Variants in WDFY2 observed in about 807,000 individuals in gnomAD.
The protein encoded by WDFY2 is WD repeat and FYVE domain containing 2.
WDFY2 carries 36 observed loss-of-function variants against 56.4 expected under a neutral mutation model. That is an observed-to-expected ratio of 0.64 (90% CI 0.49 to 0.84). The LOEUF (loss-of-function observed/expected upper bound fraction) is 0.84, where lower values mean the gene tolerates loss of function less well. Among genes scored for constraint, WDFY2 ranks in the 40% least tolerant of loss-of-function variants. The pLI is 0.00. For missense variants in WDFY2, 444 were observed against 512.2 expected, an observed-to-expected ratio of 0.87 and a Z score of 1.29; for synonymous variants, 176 against 183.7, an observed-to-expected ratio of 0.96 and a Z score of 0.34.
intron 1 of WDFY2, among the ~76,000 whole-genome samples, chr13:51,613,065 G>C (rs1194282006): frequency 6.6e-6 from 1 of 152,096 alleles, no homozygotes; most frequent in Admixed American, 6.5e-5. Flanking sequence ...ATGTGCGGTG[G>C]TGCATGCCTG....
chr13:51,668,140 A>G (rs1277962479), intron 2 of WDFY2, among the ~76,000 whole-genome samples: 1 of 152,028 alleles, frequency 6.6e-6, no homozygotes, highest in Non-Finnish European at 1.5e-5. Flanking sequence ...CGGCCTCCCA[A>G]AGTGCTGGGA....
At chr13:51,726,423 A>G (rs1339088784) in intron 5 of WDFY2, among the ~76,000 whole-genome samples, 1 of 152,222 alleles carries the variant, frequency 6.6e-6, no homozygotes, top group Non-Finnish European at 1.5e-5. Flanking sequence ...GGCATGTGTC[A>G]TTCTGTATTT....
At chr13:51,627,072 C>T (rs1466665982) in intron 1 of WDFY2, among the ~76,000 whole-genome samples, 2 of 152,252 alleles carry the variant, frequency 1.3e-5, no homozygotes, top group Non-Finnish European at 1.5e-5. Context: ...GGCTCCATGC[C>T]AGCCTGTGGC....
At chr13:51,608,292 G>A (rs1169838615) in intron 1 of WDFY2, among the ~76,000 whole-genome samples, 2 of 152,202 alleles carry the variant, frequency 1.3e-5, no homozygotes, top group African/African-American at 2.4e-5. Flanking sequence ...GAATCAAATG[G>A]TAGAAAGTAA....
chr13:51,644,197 T>TA (rs1272045071), intron 1 of WDFY2, among the ~76,000 whole-genome samples: 5 of 152,124 alleles, frequency 3.3e-5, no homozygotes, highest in African/African-American at 9.7e-5. Context: ...GTTAAATTAC[T>TA]AAAAAAACAA....
At chr13:51,654,176 G>C (rs968754948) in intron 1 of WDFY2, among the ~76,000 whole-genome samples, 2 of 152,204 alleles carry the variant, frequency 1.3e-5, no homozygotes, top group African/African-American at 4.8e-5. Context: ...AGTGAGCAAG[G>C]CTCCGTGGGC....
intron 7 of WDFY2, among the ~76,000 whole-genome samples, chr13:51,747,712 G>T (rs971428042): frequency 2.0e-5 from 3 of 151,970 alleles, no homozygotes; most frequent in African/African-American, 7.3e-5. Context: ...TTTAATTTTT[G>T]TAGAGACAGG....
chr13:51,640,169 CA>C (rs1955128436), intron 1 of WDFY2, among the ~76,000 whole-genome samples: 1 of 152,280 alleles, frequency 6.6e-6, no homozygotes, highest in African/African-American at 2.4e-5. Flanking sequence ...AAGTAAATGA[CA>C]AAAGTGTTTA....
intron 11 of WDFY2, among the ~76,000 whole-genome samples, chr13:51,758,875 T>C (rs1953486399): frequency 6.6e-6 from 1 of 152,142 alleles, no homozygotes; most frequent in African/African-American, 2.4e-5. Flanking sequence ...TCCGTGACTT[T>C]GAGAGGAAGT....
At chr13:51,648,949 C>T (rs1169113942) in intron 1 of WDFY2, among the ~76,000 whole-genome samples, 1 of 152,090 alleles carries the variant, frequency 6.6e-6, no homozygotes, top group Non-Finnish European at 1.5e-5. Flanking sequence ...AGGTTCAAGA[C>T]CAGCCAAGCC....
At chr13:51,752,026 C>G (rs1328446135) in intron 8 of WDFY2, among the ~76,000 whole-genome samples, 3 of 152,168 alleles carry the variant, frequency 2.0e-5, no homozygotes, top group African/African-American at 7.2e-5. Flanking sequence ...TAACCATTTT[C>G]CAATTACGTT....
At chr13:51,740,789 C>G (rs1453975082) in intron 7 of WDFY2, among the ~76,000 whole-genome samples, 1 of 151,914 alleles carries the variant, frequency 6.6e-6, no homozygotes, top group Non-Finnish European at 1.5e-5. Context: ...GAAATTCCTG[C>G]CAACTTGGAC....
At chr13:51,658,679 C>T (rs1189702233) in intron 1 of WDFY2, among the ~76,000 whole-genome samples, 1 of 152,108 alleles carries the variant, frequency 6.6e-6, no homozygotes, top group Non-Finnish European at 1.5e-5. Context: ...GTAAAAAGAA[C>T]TTGCTTAAGA....
rs1311988290 is a variant in WDFY2, at chr13:51,746,170, CAG to C, written c.726-5139_726-5138del. On this transcript the variant is annotated intron_variant, in intron 7 of 11. Transcript: ENST00000298125. ...CTAATTTTTGTATTTTTAGTAGAGA[CAG>C]GGTTTCTCCACATTAGCCAGGCTGG... Among the ~76,000 whole-genome samples the C allele has an allele frequency of 5.3e-5, 8 of 151,682 alleles. 1 individual carries two copies. Among genetic ancestry groups the C allele is most frequent in the Non-Finnish European group, 1.2e-4 (8 of 67,924 alleles).
rs572293892 is a variant in WDFY2 at position 51,717,322 on chromosome 13, C to T, written c.335-1876C>T. On this transcript the variant is annotated intron_variant, in intron 4 of 11. Coordinates refer to ENST00000298125, the MANE Select transcript of WDFY2 (RefSeq NM_052950.4). ...TTGTTTGTTTTTGTTTTCTGGTAGT[C>T]ATAGGTAGCCTGACACTGAGAGAGA... Among the ~76,000 whole-genome samples, 5 of 151,994 alleles carry T rather than the reference C, an allele frequency of 3.3e-5. No individual in the cohort carries two copies. In the East Asian group the frequency reaches 9.7e-4, roughly 29 times the overall value.
Position 51,584,695 on chromosome 13 carries a change from C to T in WDFY2, c.8C>T (p.Ala3Val), listed in dbSNP as rs1162712656. The T allele has an allele frequency of 1.9e-6, 3 of 1,611,550 alleles. No homozygotes were observed. Among genetic ancestry groups the T allele is most frequent in the East Asian group, 2.2e-5 (1 of 44,800 alleles). Residue 3 changes from alanine to valine, a missense_variant, in exon 1 of 12, where the codon GCG becomes GTG. Coordinates refer to ENST00000298125, the MANE Select transcript of WDFY2 (RefSeq NM_052950.4). Reference protein sequence around the residue: MAAEIQPKPLTRK... With the variant: MAVEIQPKPLTRK... ...GGCGCGCCCCCTCCTCCGATGGCGGCGGAGATCCAGCCCAAGCCTCTGACC... is the reference window on the plus strand; with the variant it reads ...GGCGCGCCCCCTCCTCCGATGGCGGTGGAGATCCAGCCCAAGCCTCTGACC...
chr13:51,674,494 G>A (rs899417461), intron 2 of WDFY2, among the ~76,000 whole-genome samples: 1 of 152,112 alleles, frequency 6.6e-6, no homozygotes, highest in Non-Finnish European at 1.5e-5. Flanking sequence ...TGCGGAACAG[G>A]GAGAACCAGT....
At chr13:51,724,297 G>T (rs1319218023) in intron 5 of WDFY2, among the ~76,000 whole-genome samples, 5 of 146,542 alleles carry the variant, frequency 3.4e-5, no homozygotes, top group Non-Finnish European at 7.4e-5. Flanking sequence ...GAGTGCAATG[G>T]CACTATCTCA....
In WDFY2 at chr13:51,763,393, A is replaced by C. The variant is rs983935298; in HGVS notation, c.*3624A>C. 1.3e-5 allele frequency: 2 copies of C among 152,238 alleles called. No homozygotes were observed. The highest frequency in any genetic ancestry group is 4.8e-5 in the African/African-American group (2 of 41,446). 9.4% of individuals were successfully genotyped at this position (152,238 alleles called of 1,614,324 possible). On this transcript the variant is annotated 3_prime_UTR_variant, in exon 12 of 12. Coordinates refer to ENST00000298125, the MANE Select transcript of WDFY2 (RefSeq NM_052950.4). The stretch of plus-strand genomic sequence containing the variant: ...TCAGACCACCCCAGAGGCAAAACTG[A>C]AATGGAAATCCAGTGGCACTTAAAA...
Sources: gnomAD v4.1 joint callset for allele counts (sites outside exome capture counted in the v4.1 genomes callset) on GRCh38, gnomAD v4.1.1 for gene constraint, MANE v1.5 for transcripts, NCBI Gene and HGNC (gene_info 2026-07-23, HGNC 2026-07-21) for gene names.